Variants in EYS observed in about 807,000 individuals in gnomAD.
The protein encoded by EYS is protein eyes shut homolog.
A neutral mutation model predicts 282.1 loss-of-function variants in EYS; 250 were observed. The observed-to-expected ratio is 0.89, with a 90% confidence interval of 0.80 to 0.98. The LOEUF is 0.98. Ranked by LOEUF, EYS falls within the 50% of genes least tolerant of loss-of-function variation. The probability of loss-of-function intolerance (pLI) is 0.00; values close to 1 mark genes in which losing one functional copy is unlikely to be tolerated. For synonymous variants in EYS, 1,355 were observed against 1,282.9 expected (o/e 1.06, Z -1.20); for missense variants, 4,016 against 3,709.0 (o/e 1.08, Z -2.15).
chr6:65,283,045 T>G (rs1473950081), intron 12 of EYS, among the ~76,000 whole-genome samples: 1 of 152,022 alleles, frequency 6.6e-6, no homozygotes, highest in Non-Finnish European at 1.5e-5. Context: ...ATTAGACATG[T>G]CTATCATCTT....
intron 36 of EYS, among the ~76,000 whole-genome samples, chr6:63,816,262 G>C (rs1001435525): frequency 3.3e-5 from 5 of 152,068 alleles, no homozygotes; most frequent in African/African-American, 1.2e-4. Context: ...TACTAATAGT[G>C]AGCAGGTGCC....
chr6:63,782,564 G>T (rs1029174553), intron 39 of EYS, among the ~76,000 whole-genome samples: 1 of 152,170 alleles, frequency 6.6e-6, no homozygotes, highest in Non-Finnish European at 1.5e-5. Context: ...TTCGCTGATG[G>T]TAGTTGGTAT....
In EYS at chr6:65,410,598, CT is replaced by C. The variant is rs375882636; in HGVS notation, c.863-5232del. Among the ~76,000 whole-genome samples, 1,178 of 133,476 alleles carry C rather than the reference CT, an allele frequency of 8.8e-3. 8 individuals are homozygous for C. The highest frequency in any genetic ancestry group is 0.014 in the East Asian group (64 of 4,586). The allele number at this position is 133,476 out of a possible 152,430, so 87.6% of individuals were successfully genotyped here. On this transcript the variant is annotated intron_variant, in intron 5 of 42. Coordinates refer to ENST00000503581, the MANE Select transcript of EYS (RefSeq NM_001142800.2). ...CACTGTCCTACTTCTATGATACTAG[CT>C]TTTTTTTTTTTTTTTTAGATTTCAC...
At chr6:63,912,047 C>T (rs1480852890) in intron 35 of EYS, among the ~76,000 whole-genome samples, 1 of 152,100 alleles carries the variant, frequency 6.6e-6, no homozygotes, top group Non-Finnish European at 1.5e-5. Context: ...TTAAGTTTTG[C>T]TGATATAGTT....
At chr6:65,276,572 T>C (rs991168558) in intron 12 of EYS, among the ~76,000 whole-genome samples, 1 of 152,086 alleles carries the variant, frequency 6.6e-6, no homozygotes, top group African/African-American at 2.4e-5. Context: ...ACAACAGAGG[T>C]AAGGAAGGCT....
intron 24 of EYS, among the ~76,000 whole-genome samples, chr6:64,603,625 A>G (rs1207477617): frequency 2.0e-5 from 3 of 152,042 alleles, no homozygotes; most frequent in Non-Finnish European, 4.4e-5. Context: ...CTAAGACTCC[A>G]GAAAGGAAAG....
intron 30 of EYS, among the ~76,000 whole-genome samples, chr6:64,295,497 A>AAGAAGAAG (rs1554140736): frequency 1.6e-4 from 6 of 36,776 alleles, no homozygotes. Flanking sequence ...GAAGAAGAAG[A>AAGAAGAAG]AAGAAGAAAG....
At chr6:64,226,716 A>G (rs960568432) in intron 31 of EYS, among the ~76,000 whole-genome samples, 5 of 152,166 alleles carry the variant, frequency 3.3e-5, no homozygotes, top group African/African-American at 9.6e-5. Context: ...AAAAAAGAGC[A>G]TATTAAATCA....
chr6:64,665,821 A>G (rs1235771802), intron 22 of EYS, among the ~76,000 whole-genome samples: 1 of 152,060 alleles, frequency 6.6e-6, no homozygotes, highest in Non-Finnish European at 1.5e-5. Context: ...AACATGCCAT[A>G]TATTTGTCAC....
chr6:65,380,038 T>C (rs1361477756), intron 8 of EYS, among the ~76,000 whole-genome samples: 1 of 152,084 alleles, frequency 6.6e-6, no homozygotes, highest in East Asian at 1.9e-4. Flanking sequence ...AAAATGGCCA[T>C]ACTGCCCAAA....
intron 31 of EYS, among the ~76,000 whole-genome samples, chr6:64,134,751 C>T (rs79648294): frequency 0.024 from 3,634 of 152,032 alleles, 131 homozygotes; most frequent in African/African-American, 0.075. Context: ...GCCTGACTAA[C>T]GAGGAGCTCT....
chr6:64,979,433 C>T (rs1248236384), intron 14 of EYS, among the ~76,000 whole-genome samples: 1 of 151,610 alleles, frequency 6.6e-6, no homozygotes, highest in African/African-American at 2.4e-5. Context: ...AACTGCCCAC[C>T]TCCCGTGGGA....
intron 22 of EYS, among the ~76,000 whole-genome samples, chr6:64,715,255 C>T (rs147560593): frequency 3.3e-5 from 5 of 152,282 alleles, no homozygotes; most frequent in African/African-American, 1.2e-4. Context: ...ATGGTTCCTT[C>T]TGGGGGTGAT....
chr6:64,754,436 G>A (rs1345824094), intron 22 of EYS, among the ~76,000 whole-genome samples: 1 of 152,044 alleles, frequency 6.6e-6, no homozygotes, highest in Non-Finnish European at 1.5e-5. Context: ...TGATCCTACT[G>A]AAACTGTTCC....
intron 29 of EYS, among the ~76,000 whole-genome samples, chr6:64,340,399 A>T (rs1335059591): frequency 6.6e-6 from 1 of 151,692 alleles, no homozygotes; most frequent in Admixed American, 6.6e-5. Flanking sequence ...AAGAATAGAA[A>T]ACTCATGAAT....
intron 2 of EYS, among the ~76,000 whole-genome samples, chr6:65,601,597 T>G (rs1765618823): frequency 6.6e-6 from 1 of 152,010 alleles, no homozygotes; most frequent in Non-Finnish European, 1.5e-5. Flanking sequence ...CCTTTTCCAC[T>G]GTAAGCCTAT....
chr6:65,287,706 T>A (rs1283212117), intron 12 of EYS, among the ~76,000 whole-genome samples: 1 of 151,372 alleles, frequency 6.6e-6, no homozygotes, highest in Non-Finnish European at 1.5e-5. Flanking sequence ...CTACTTTCCA[T>A]GAGTCTGTAA....
chr6:64,578,755 G>A (rs1344143996), intron 26 of EYS, among the ~76,000 whole-genome samples: 1 of 151,820 alleles, frequency 6.6e-6, no homozygotes, highest in African/African-American at 2.4e-5. Flanking sequence ...TCCAGGACAT[G>A]GTGTATTCAC....
intron 22 of EYS, among the ~76,000 whole-genome samples, chr6:64,755,497 TAC>T (rs56705165): frequency 0.6 from 83,329 of 138,712 alleles, 25,934 homozygotes; most frequent in Admixed American, 0.7. Context: ...AGAACATACA[TAC>T]ACACACACAC....
Sources: allele counts gnomAD v4.1 joint callset (sites outside exome capture counted in the v4.1 genomes callset), GRCh38; gene constraint gnomAD v4.1.1; transcripts MANE v1.5; gene names NCBI Gene and HGNC (gene_info 2026-07-23, HGNC 2026-07-21).